The following MYO1E variants were observed in gnomAD, a reference collection of about 807,000 sequenced individuals.
MYO1E encodes the protein myosin IE.
In MYO1E, 68 loss-of-function variants were observed where a neutral mutation model predicts 151.1. That is an observed-to-expected ratio of 0.45 (90% CI 0.37 to 0.55). The LOEUF is 0.55. Among genes scored for constraint, MYO1E ranks in the 20% least tolerant of loss-of-function variants. The pLI, the probability that MYO1E is intolerant of heterozygous loss-of-function variation, is 0.00. For missense variants in MYO1E, 1,363 were observed against 1,389.3 expected (o/e 0.98, Z 0.30); for synonymous variants, 601 against 501.7 (o/e 1.20, Z -2.64).
intron 14 of MYO1E, among the ~76,000 whole-genome samples, chr15:59,206,249 C>T (rs759376616): frequency 4.9e-4 from 75 of 152,152 alleles, no homozygotes; most frequent in Non-Finnish European, 7.2e-4. Flanking sequence ...AGAGGCAAGA[C>T]GAAAATCCAT....
intron 1 of MYO1E, among the ~76,000 whole-genome samples, chr15:59,314,819 T>G (rs1289733196): frequency 6.6e-6 from 1 of 152,018 alleles, no homozygotes; most frequent in African/African-American, 2.4e-5. Flanking sequence ...AGTGTCAATG[T>G]TGTAAAACCC....
At chr15:59,255,226 C>A (rs563634250) in intron 4 of MYO1E, among the ~76,000 whole-genome samples, 3 of 151,932 alleles carry the variant, frequency 2.0e-5, no homozygotes, top group Non-Finnish European at 2.9e-5. Flanking sequence ...GTGATCCTCC[C>A]CACTCAGCCT....
chr15:59,316,481 T>C (rs2080589793), intron 1 of MYO1E, among the ~76,000 whole-genome samples: 1 of 152,218 alleles, frequency 6.6e-6, no homozygotes, highest in South Asian at 2.1e-4. Context: ...CAGTCACTAT[T>C]ATAGCAGTAT....
chr15:59,272,173 TG>T, intron 2 of MYO1E, 132 bp downstream of exon 2: 1 of 994,526 alleles, frequency 1.0e-6, no homozygotes, highest in Admixed American at 1.7e-5. Flanking sequence ...CAGGATGGTC[TG>T]GAACTCCTGC....
At position 59,231,790 on chromosome 15, in the gene MYO1E, T is replaced by C; in HGVS notation, c.422A>G (p.His141Arg). ...GGACTGCAGGATAATGTCCTTCACG[T>C]GCTGTCCCAGCAAATAGACCGGAGG... The part of the protein sequence containing the change: ...RVSGGGTKVQ[H>R]VKDIILQSNP... Residue 141 changes from histidine to arginine, a missense_variant and splice_region_variant, in exon 6 of 28, where the codon CAC becomes CGC. Coordinates refer to ENST00000288235, the MANE Select transcript of MYO1E (RefSeq NM_004998.4). The C allele has an allele frequency of 6.2e-7, 1 of 1,614,146 alleles. No homozygotes were observed. The highest frequency in any genetic ancestry group is 8.5e-7 in the Non-Finnish European group (1 of 1,179,976).
intron 1 of MYO1E, among the ~76,000 whole-genome samples, chr15:59,278,743 CA>C (rs1370413562): frequency 4.6e-5 from 7 of 152,160 alleles, no homozygotes; most frequent in Admixed American, 4.6e-4. Flanking sequence ...ACAGGGTAGT[CA>C]GTAGCCAACA....
chr15:59,308,309 G>T (rs1412928784), intron 1 of MYO1E, among the ~76,000 whole-genome samples: 3 of 150,712 alleles, frequency 2.0e-5, no homozygotes, highest in Non-Finnish European at 1.5e-5. Flanking sequence ...GCTGAGGGGG[G>T]CAGATCGCCT....
Position 59,224,792 on chromosome 15 carries a change from T to C in MYO1E, c.674A>G (p.His225Arg), listed in dbSNP as rs1242299146. 10 of 1,614,090 alleles carry C rather than the reference T, an allele frequency of 6.2e-6. No individual in the cohort carries two copies. Among genetic ancestry groups the C allele is most frequent in the Non-Finnish European group, 8.5e-6 (10 of 1,180,040 alleles). ...LIEGASAEQK[H>R]SLGITSMDYY... ...GTCCATGCTGGTGATGCCAAGGCTG[T>C]GTTTCTGCTCTGCAGAGGCGCCCTC... The change falls in exon 8 of 28, where the codon CAC becomes CGC. Residue 225 changes from histidine to arginine, a missense_variant. Transcript: ENST00000288235.
intron 16 of MYO1E, among the ~76,000 whole-genome samples, chr15:59,199,644 AATGAAT>A (rs1413507464): frequency 2.0e-5 from 3 of 152,174 alleles, no homozygotes; most frequent in African/African-American, 7.2e-5. Context: ...GTTCCCATCA[AATGAAT>A]ATTCTATTAG....
chr15:59,186,233 G>A (rs1241896953), intron 18 of MYO1E, among the ~76,000 whole-genome samples: 6 of 152,128 alleles, frequency 3.9e-5, no homozygotes, highest in Non-Finnish European at 4.4e-5. Flanking sequence ...AGTTTCTGAC[G>A]CTTTATTATA....
intron 26 of MYO1E, among the ~76,000 whole-genome samples, chr15:59,150,876 C>A (rs181244009): frequency 6.6e-6 from 1 of 152,088 alleles, no homozygotes; most frequent in African/African-American, 2.4e-5. Context: ...AGCTTTCCAG[C>A]GGATTCTACT....
chr15:59,283,364 A>G lies in MYO1E; in HGVS notation c.4-10915T>C, dbSNP rs535526168. Among the ~76,000 whole-genome samples, 38 of 152,054 alleles carry G rather than the reference A, an allele frequency of 2.5e-4. No homozygotes were observed. In the East Asian group the frequency reaches 6.0e-3, roughly 24 times the overall value. ...GTCCCCCAGCTTAGGGTATTCTTCT[A>G]TGAACTCCTCCCTACCTCAACCCAA... On this transcript the variant is annotated intron_variant, in intron 1 of 27. Coordinates refer to ENST00000288235, the MANE Select transcript of MYO1E (RefSeq NM_004998.4).
chr15:59,233,981 T>C (rs1251441751), intron 5 of MYO1E, among the ~76,000 whole-genome samples: 1 of 152,166 alleles, frequency 6.6e-6, no homozygotes, highest in African/African-American at 2.4e-5. Context: ...TTTTAAAAAG[T>C]AATTTCCTTT....
At chr15:59,137,557 C>T in intron 27 of MYO1E, 101 bp from the exon 28 acceptor site, 3 of 955,826 alleles carry the variant, frequency 3.1e-6, no homozygotes, top group South Asian at 2.6e-5. Context: ...TGGCTCCATC[C>T]ATGTTGTTTT....
chr15:59,290,792 G>A (rs1198687395), intron 1 of MYO1E, among the ~76,000 whole-genome samples: 1 of 152,194 alleles, frequency 6.6e-6, no homozygotes, highest in Non-Finnish European at 1.5e-5. Flanking sequence ...CAAACAGCAT[G>A]CCACTCTCAA....
intron 4 of MYO1E, among the ~76,000 whole-genome samples, chr15:59,254,486 T>G (rs1210128152): frequency 1.3e-5 from 2 of 152,188 alleles, no homozygotes; most frequent in African/African-American, 4.8e-5. Flanking sequence ...TTTCTTGACC[T>G]TGGAAATGAA....
intron 7 of MYO1E, among the ~76,000 whole-genome samples, chr15:59,226,596 C>T (rs184709408): frequency 1.3e-5 from 2 of 152,110 alleles, no homozygotes; most frequent in Non-Finnish European, 2.9e-5. Flanking sequence ...CACTTGAGTC[C>T]GAGAGTTAGA....
intron 5 of MYO1E, among the ~76,000 whole-genome samples, chr15:59,234,960 C>T (rs928130278): frequency 1.3e-5 from 2 of 152,118 alleles, no homozygotes; most frequent in Admixed American, 6.5e-5. Flanking sequence ...CTGTCACCAG[C>T]GGTGCATACT....
chr15:59,218,242 G>T, intron 9 of MYO1E, 155 bp from the exon 10 acceptor site: 1 of 823,278 alleles, frequency 1.2e-6, no homozygotes, highest in Non-Finnish European at 2.0e-6. Context: ...AGTGAAGGCT[G>T]CTTATCAGTA....
Sources: gnomAD v4.1 joint callset for allele counts (sites outside exome capture counted in the v4.1 genomes callset) on GRCh38, gnomAD v4.1.1 for gene constraint, MANE v1.5 for transcripts, NCBI Gene and HGNC (gene_info 2026-07-23, HGNC 2026-07-21) for gene names.